PCDHGA9: variants seen among roughly 807,000 people sequenced by gnomAD.
PCDHGA9 encodes protocadherin gamma-A9.
Under a neutral mutation model 62.5 loss-of-function variants are expected in PCDHGA9, and 37 were observed. That is an observed-to-expected ratio of 0.59 (90% CI 0.46 to 0.78). The LOEUF (loss-of-function observed/expected upper bound fraction) is 0.78, where lower values mean the gene tolerates loss of function less well. Ranked by LOEUF, PCDHGA9 falls within the 30% of genes least tolerant of loss-of-function variation. The probability of loss-of-function intolerance (pLI) is 0.00; values close to 1 mark genes in which losing one functional copy is unlikely to be tolerated. For synonymous variants in PCDHGA9, 459 were observed against 484.6 expected, an observed-to-expected ratio of 0.95 and a Z score of 0.69; for missense variants, 1,138 against 1,166.2, an observed-to-expected ratio of 0.98 and a Z score of 0.35.
At chr5:141,416,124 AT>A (rs1297389183) in intron 1 of PCDHGA9, 1 of 154,644 alleles carries the variant, frequency 6.5e-6, no homozygotes, top group Non-Finnish European at 1.4e-5. Flanking sequence ...CATTTTATAT[AT>A]TTTTCAATCT....
chr5:141,419,397 T>G (rs1280096838), intron 1 of PCDHGA9: 3 of 1,613,312 alleles, frequency 1.9e-6, no homozygotes. Flanking sequence ...CAGAGCGGGG[T>G]GGTGTTCGCG....
At chr5:141,418,769 C>A (rs1488222030) in intron 1 of PCDHGA9, 2 of 1,613,828 alleles carry the variant, frequency 1.2e-6, no homozygotes, top group East Asian at 4.5e-5. Flanking sequence ...CATTCTAACT[C>A]AGCAGCCTTT....
intron 1 of PCDHGA9, chr5:141,414,764 A>G: frequency 6.2e-7 from 1 of 1,614,194 alleles, no homozygotes; most frequent in Non-Finnish European, 8.5e-7. Flanking sequence ...GAGCAGTTTC[A>G]TGAGCTACAG....
chr5:141,414,867 C>T (rs2095797355), intron 1 of PCDHGA9: 9 of 1,614,230 alleles, frequency 5.6e-6, no homozygotes, highest in South Asian at 1.1e-5. Flanking sequence ...ACAATGCGCC[C>T]GAGATCCTGT....
Position 141,447,676 on chromosome 5 carries a change from C to T in PCDHGA9, c.2424+42300C>T, listed in dbSNP as rs1466767844. Among the ~76,000 whole-genome samples the T allele has an allele frequency of 2.6e-5, 4 of 152,104 alleles. No individual in the cohort carries two copies. The East Asian group carries it at 7.7e-4, about 29-fold the overall frequency. On this transcript the variant is annotated intron_variant, in intron 1 of 3. Coordinates refer to ENST00000573521, the MANE Select transcript of PCDHGA9 (RefSeq NM_018921.3). The stretch of plus-strand genomic sequence containing the variant: ...CCCCCCCAGGAAGTTAGAACTGTTC[C>T]ATATCTTGATAGAGGGATGGGTTAT...
Position 141,403,895 on chromosome 5 carries a change from T to G in PCDHGA9, c.943T>G (p.Tyr315Asp). 6.2e-7 allele frequency: 1 copy of G among 1,613,884 alleles called. No individual in the cohort carries two copies. Among genetic ancestry groups the G allele is most frequent in the Non-Finnish European group, 8.5e-7 (1 of 1,179,888 alleles). The change falls in exon 1 of 4, where the codon TAT becomes GAT. Residue 315 changes from tyrosine (Y) to aspartate (D), a missense_variant. By Grantham distance (160) the Tyr-to-Asp change is radical. Coordinates refer to ENST00000573521, the MANE Select transcript of PCDHGA9 (RefSeq NM_018921.3). ...TCTAGATTATGAAGAATGTTCATTT[T>G]ATGAAATGGAAATACAAGCTGAAGA... Reference protein sequence around the residue: ...KSLDYEECSFYEMEIQAEDGG... With the variant: ...KSLDYEECSFDEMEIQAEDGG...
intron 1 of PCDHGA9, chr5:141,421,504 C>A (rs757410882): frequency 1.2e-6 from 2 of 1,614,062 alleles, no homozygotes; most frequent in Admixed American, 1.7e-5. Context: ...CAGGATAGAC[C>A]GGGAGGAGCT....
chr5:141,423,288 C>T, intron 1 of PCDHGA9: 1 of 1,586,414 alleles, frequency 6.3e-7, no homozygotes, highest in African/African-American at 1.3e-5. Context: ...ACTCTGAAAC[C>T]TCAGACCTCT....
At position 141,477,529 on chromosome 5, in the gene PCDHGA9, C is replaced by G; in HGVS notation, c.2425-17278C>G. ...ACGTTTACATTGAAGAAAACAACCT[C>G]CCCGGGGCTCCAATACTAAACCTAA... On this transcript the variant is annotated intron_variant, in intron 1 of 3. Transcript: ENST00000573521. The surrounding 1 kb of genome is among the most constrained non-coding windows in gnomAD (Gnocchi z 4.9). 6.2e-7 allele frequency: 1 copy of G among 1,614,172 alleles called. No homozygotes were observed. The highest frequency in any genetic ancestry group is 8.5e-7 in the Non-Finnish European group (1 of 1,180,032).
chr5:141,402,855 T>G lies in PCDHGA9; in HGVS notation c.-98T>G. On this transcript the variant is annotated 5_prime_UTR_variant, in exon 1 of 4. Coordinates refer to ENST00000573521, the MANE Select transcript of PCDHGA9 (RefSeq NM_018921.3). ...GCAGCAAAACTCAGCCTCTTTCTTC[T>G]AAGGAAAAGATCACCATACTTTGCA... 1 of 1,425,070 alleles carries G rather than the reference T, an allele frequency of 7.0e-7. No individual in the cohort carries two copies. Among genetic ancestry groups the G allele is most frequent in the Non-Finnish European group, 9.2e-7 (1 of 1,086,052 alleles). The allele number at this position is 1,425,070 out of a possible 1,614,324, so 88.3% of individuals were successfully genotyped here.
In PCDHGA9 at chr5:141,511,261, G is replaced by A; in HGVS notation, c.*88G>A. On this transcript the variant is annotated 3_prime_UTR_variant, in exon 4 of 4. Transcript: ENST00000573521. The stretch of plus-strand genomic sequence containing the variant: ...CTGCACCCAGGCCTCAGAGTTTCAG[G>A]GCTAACCCCCAGAATACTGGTAGGG... 2 of 1,557,474 alleles carry A rather than the reference G, an allele frequency of 1.3e-6. No homozygotes were observed. The highest frequency in any genetic ancestry group is 1.4e-5 in the African/African-American group (1 of 73,440).
At position 141,491,462 on chromosome 5, in the gene PCDHGA9, T is replaced by C; in HGVS notation, c.2425-3345T>C. 1.2e-6 allele frequency: 2 copies of C among 1,614,004 alleles called. No individual in the cohort carries two copies. The highest frequency in any genetic ancestry group is 1.7e-6 in the Non-Finnish European group (2 of 1,179,978). ...CGCCAGGACTCACCCTCCCCGGACT[T>C]CTATAAGCAGTCCAGCCCCAACCTG... On this transcript the variant is annotated intron_variant, in intron 1 of 3. Coordinates refer to ENST00000573521, the MANE Select transcript of PCDHGA9 (RefSeq NM_018921.3). This position sits in a 1 kb window ranked among gnomAD's most constrained non-coding sequence, Gnocchi z 6.9.
At chr5:141,509,015 C>G (rs1370464396) in intron 3 of PCDHGA9, among the ~76,000 whole-genome samples, 2 of 152,098 alleles carry the variant, frequency 1.3e-5, no homozygotes, top group African/African-American at 4.8e-5. Context: ...AAGTGGGCAG[C>G]TGCTCCCTCC....
At chr5:141,496,021 G>A (rs1011612662) in intron 2 of PCDHGA9, among the ~76,000 whole-genome samples, 1 of 151,336 alleles carries the variant, frequency 6.6e-6, no homozygotes, top group Admixed American at 6.6e-5. Context: ...TTTTCTCTGA[G>A]CCTCTGTCTC....
At position 141,432,644 on chromosome 5, in the gene PCDHGA9, G is replaced by A; in HGVS notation, c.2424+27268G>A. The A allele has an allele frequency of 1.2e-6, 2 of 1,613,812 alleles. No homozygotes were observed. The highest frequency in any genetic ancestry group is 1.7e-6 in the Non-Finnish European group (2 of 1,179,942). ...TCTGCACACGGGCGAGGTGCGCACG[G>A]CGCGAGCCCTGCTGGACAGAGACGC... On this transcript the variant is annotated intron_variant, in intron 1 of 3. Coordinates refer to ENST00000573521, the MANE Select transcript of PCDHGA9 (RefSeq NM_018921.3). The surrounding 1 kb of genome is among the most constrained non-coding windows in gnomAD (Gnocchi z 6.0).
In PCDHGA9 at chr5:141,476,516, G is replaced by T. The variant is rs1042414523; in HGVS notation, c.2425-18291G>T. 1 of 1,614,016 alleles carries T rather than the reference G, an allele frequency of 6.2e-7. No individual in the cohort carries two copies. The highest frequency in any genetic ancestry group is 8.5e-7 in the Non-Finnish European group (1 of 1,180,022). ...CCAGGACATCAACGACAACAATCCT[G>T]CTTTCCCTACCCAGGAAATGAAATT... On this transcript the variant is annotated intron_variant, in intron 1 of 3. Transcript: ENST00000573521. The surrounding 1 kb of genome is among the most constrained non-coding windows in gnomAD (Gnocchi z 7.6).
At chr5:141,408,070 T>C (rs1413400462) in intron 1 of PCDHGA9, 3 of 1,381,930 alleles carry the variant, frequency 2.2e-6, no homozygotes, top group Non-Finnish European at 2.9e-6. Context: ...TGCGCAGACC[T>C]TTCCCAGCAC....
intron 1 of PCDHGA9, chr5:141,479,290 T>C (rs1045200175): frequency 1.3e-5 from 2 of 152,438 alleles, no homozygotes; most frequent in Non-Finnish European, 2.9e-5. Flanking sequence ...AAAATAAATC[T>C]AGGCAACCCA....
chr5:141,479,651 C>A (rs56818742), intron 1 of PCDHGA9: 43,954 of 152,194 alleles, frequency 0.29, 6,853 homozygotes, highest in African/African-American at 0.41. Flanking sequence ...ACAACAACAA[C>A]AATCCCAGAA....
Sources: gnomAD v4.1 joint callset for allele counts (sites outside exome capture counted in the v4.1 genomes callset) on GRCh38, gnomAD v4.1.1 for gene constraint, Gnocchi (gnomAD v3.1) non-coding constraint, MANE v1.5 for transcripts, NCBI Gene and HGNC (gene_info 2026-07-23, HGNC 2026-07-21) for gene names.